Variants in GPI observed in about 807,000 individuals in gnomAD.
GPI encodes the protein D-hexose-6-phosphate anomerase.
In GPI, 56 loss-of-function variants were observed where a neutral mutation model predicts 75.8. The observed-to-expected ratio is 0.74, with a 90% CI of 0.60 to 0.92. The LOEUF is 0.92. Among genes scored for constraint, GPI ranks in the 40% least tolerant of loss-of-function variants. The pLI is 0.00. For synonymous variants in GPI, 288 were observed against 285.4 expected (o/e 1.01, Z -0.09); for missense variants, 638 against 741.0 (o/e 0.86, Z 1.61).
At chr19:34,361,053 C>T (rs1448188589), upstream of GPI, among the ~76,000 whole-genome samples, 3 of 152,056 alleles carry the variant, frequency 2.0e-5, no homozygotes, top group African/African-American at 7.2e-5. Flanking sequence ...GTTGGGATTA[C>T]AGGTGTGAGT....
Position 34,366,838 on chromosome 19 carries a change from T to C in GPI, c.269T>C (p.Ile90Thr), listed in dbSNP as rs1422521321. The C allele has an allele frequency of 6.2e-7, 1 of 1,612,808 alleles. No homozygotes were observed. Among genetic ancestry groups the C allele is most frequent in the Non-Finnish European group, 8.5e-7 (1 of 1,179,026 alleles). ...GAGCGGATGTTCAATGGTGAGAAGATCAACTACACCGAGGTGAGCAGGCCC... is the reference window on the plus strand; with the variant it reads ...GAGCGGATGTTCAATGGTGAGAAGACCAACTACACCGAGGTGAGCAGGCCC... The part of the protein sequence containing the change: ...ARERMFNGEK[I>T]NYTEGRAVLH... The change falls in exon 3 of 18, where the codon ATC becomes ACC. Residue 90 changes from isoleucine (I) to threonine (T), a missense_variant. By Grantham distance (89) the Ile-to-Thr change is moderately conservative. Transcript: ENST00000356487.
Position 34,399,541 on chromosome 19 carries a change from T to G in GPI, c.1399-15T>G. Reference sequence around the variant, plus strand: ...TCAGGACTCTCTTGGAGACATTCCTTGGTGTTTTCTGCAGGTCTTTGAAGG... The same window carrying G: ...TCAGGACTCTCTTGGAGACATTCCTGGGTGTTTTCTGCAGGTCTTTGAAGG... On this transcript the variant is annotated splice_polypyrimidine_tract_variant and intron_variant, in intron 15 of 17. Coordinates refer to ENST00000356487, the MANE Select transcript of GPI (RefSeq NM_000175.5). 1 of 1,612,946 alleles carries G rather than the reference T, an allele frequency of 6.2e-7. No individual in the cohort carries two copies. The highest frequency in any genetic ancestry group is 8.5e-7 in the Non-Finnish European group (1 of 1,178,914).
At chr19:34,375,859 C>G (rs1029970910) in intron 4 of GPI, among the ~76,000 whole-genome samples, 4 of 152,158 alleles carry the variant, frequency 2.6e-5, no homozygotes, top group Admixed American at 2.6e-4. Flanking sequence ...CCAGCACAGG[C>G]GGAAGCTATG....
At position 34,365,317 on chromosome 19, in the gene GPI, C is replaced by G; in HGVS notation, c.51C>G (p.Tyr17Ter). 1 of 1,588,972 alleles carries G rather than the reference C, an allele frequency of 6.3e-7. No individual in the cohort carries two copies. The highest frequency in any genetic ancestry group is 8.5e-7 in the Non-Finnish European group (1 of 1,169,680). Residue 17 changes from tyrosine (Y) to a stop codon, truncating the protein, a stop_gained, in exon 1 of 18, where the codon TAC becomes TAG. Transcript: ENST00000356487. LOFTEE classifies it high-confidence loss of function. ...DPQFQKLQQW[Y>*]REHRSELNLR... Reference sequence around the variant, plus strand: ...AGTTCCAGAAGCTGCAGCAATGGTACCGCGAGCACCGCTCCGAGCTGAACC... The same window carrying G: ...AGTTCCAGAAGCTGCAGCAATGGTAGCGCGAGCACCGCTCCGAGCTGAACC...
rs767547881 is a variant in GPI at position 34,365,288 on chromosome 19, C to T, written c.22C>T (p.Pro8Ser). Residue 8 changes from proline to serine, a missense_variant, in exon 1 of 18, where the codon CCC (proline) becomes TCC (serine). Pro to Ser is a moderately conservative substitution (Grantham distance 74). Coordinates refer to ENST00000356487, the MANE Select transcript of GPI (RefSeq NM_000175.5). The part of the protein sequence containing the change: MAALTRD[P>S]QFQKLQQWYR... ...CGCCATGGCCGCTCTCACCCGGGACCCCCAGTTCCAGAAGCTGCAGCAATG... is the reference window on the plus strand; with the variant it reads ...CGCCATGGCCGCTCTCACCCGGGACTCCCAGTTCCAGAAGCTGCAGCAATG... 1.3e-6 allele frequency: 2 copies of T among 1,580,410 alleles called. No homozygotes were observed. Among genetic ancestry groups the T allele is most frequent in the Admixed American group, 1.7e-5 (1 of 57,180 alleles).
Position 34,365,353 on chromosome 19 carries a change from C to T in GPI, c.87C>T (p.Leu29=), listed in dbSNP as rs148025432. 2.6e-5 allele frequency: 41 copies of T among 1,591,296 alleles called. No homozygotes were observed. In the African/African-American group the frequency reaches 5.4e-4, roughly 21 times the overall value. The change falls in exon 1 of 18, where the codon CTC becomes CTT. Residue 29 remains leucine (L), a synonymous_variant. Transcript: ENST00000356487. Reference sequence around the variant, plus strand: ...GCTCCGAGCTGAACCTGCGCCGCCTCTTCGATGCCAACAAGGACCGCTTCA... The same window carrying T: ...GCTCCGAGCTGAACCTGCGCCGCCTTTTCGATGCCAACAAGGACCGCTTCA... ...EHRSELNLRR[L]FDANKDRFNH... is the part of the protein sequence containing the mutation.
chr19:34,400,797 T>G lies in GPI; in HGVS notation c.*761T>G. 2.6e-6 allele frequency: 1 copy of G among 384,060 alleles called. No homozygotes were observed. Among genetic ancestry groups the G allele is most frequent in the Non-Finnish European group, 4.6e-6 (1 of 217,080 alleles). 23.8% of individuals were successfully genotyped at this position (384,060 alleles called of 1,614,324 possible). Reference sequence around the variant, plus strand: ...TGGAGTGCAGTGGTGCAATCTCGGCTCACTGCAACCTCCGCCTCCCGGGTT... The same window carrying G: ...TGGAGTGCAGTGGTGCAATCTCGGCGCACTGCAACCTCCGCCTCCCGGGTT... On this transcript the variant is annotated 3_prime_UTR_variant, in exon 18 of 18. Coordinates refer to ENST00000356487, the MANE Select transcript of GPI (RefSeq NM_000175.5).
chr19:34,390,249 T>G (rs1460347595), intron 9 of GPI, among the ~76,000 whole-genome samples: 2 of 144,292 alleles, frequency 1.4e-5, no homozygotes, highest in Non-Finnish European at 3.1e-5. Flanking sequence ...TATGAGGCAC[T>G]GGGCCACTGT....
At chr19:34,386,461 G>T (rs1352470283) in intron 9 of GPI, among the ~76,000 whole-genome samples, 5 of 152,164 alleles carry the variant, frequency 3.3e-5, no homozygotes, top group African/African-American at 1.2e-4. Context: ...AAACTGGTCT[G>T]CCAGGAGTAG....
chr19:34,381,736 GC>G (rs2074656801), intron 9 of GPI: 4 of 623,784 alleles, frequency 6.4e-6, no homozygotes, highest in Admixed American at 2.5e-5. Context: ...AGCTTGCAGG[GC>G]CACATGACAC....
chr19:34,374,970 C>T (rs527350352), intron 4 of GPI, among the ~76,000 whole-genome samples: 1 of 151,948 alleles, frequency 6.6e-6, no homozygotes, highest in South Asian at 2.1e-4. Context: ...TCAAGTGATC[C>T]TCCTGCCTCA....
intron 12 of GPI, among the ~76,000 whole-genome samples, chr19:34,395,505 G>A (rs1000412798): frequency 1.3e-5 from 2 of 152,172 alleles, no homozygotes; most frequent in East Asian, 3.9e-4. Flanking sequence ...TTCTACCACT[G>A]TACTCCAGCC....
intron 8 of GPI, chr19:34,379,956 G>A: frequency 4.0e-6 from 1 of 248,142 alleles, no homozygotes; most frequent in Non-Finnish European, 7.7e-6. Context: ...GAAGGGAGGT[G>A]ACATTTTGCC....
intron 5 of GPI, 70 bp from the exon 6 acceptor site, chr19:34,377,665 A>T: frequency 6.3e-7 from 1 of 1,586,320 alleles, no homozygotes; most frequent in Non-Finnish European, 8.7e-7. Flanking sequence ...TTCTCCAGGG[A>T]TGGGACCTGG....
Position 34,393,202 on chromosome 19 carries a change from CG to C in GPI, c.805-42del. The stretch of plus-strand genomic sequence containing the variant: ...AGGGTTTCCGGCAGGAGGTGGGGGG[CG>C]GGGTGTGCCGGCCCTCCCTCAGCAC... On this transcript the variant is annotated intron_variant, in intron 9 of 17. Transcript: ENST00000356487. This position sits in a 1 kb window ranked among gnomAD's most constrained non-coding sequence, Gnocchi z 4.4. 7.1e-7 allele frequency: 1 copy of C among 1,415,698 alleles called. No homozygotes were observed. Among genetic ancestry groups the C allele is most frequent in the Non-Finnish European group, 1.0e-6 (1 of 999,530 alleles). 87.7% of individuals were successfully genotyped at this position (1,415,698 alleles called of 1,614,324 possible). A position where few individuals can be genotyped will look rare whatever the true frequency, so the allele number is the denominator to read the frequency against.
At chr19:34,361,258 T>C (rs1172340044), upstream of GPI, among the ~76,000 whole-genome samples, 2 of 151,976 alleles carry the variant, frequency 1.3e-5, no homozygotes, top group East Asian at 1.9e-4. Context: ...GTCCAGCTAA[T>C]TTTTTTGTAT....
chr19:34,365,646 A>G, intron 1 of GPI: 1 of 648,852 alleles, frequency 1.5e-6, no homozygotes. Flanking sequence ...CTCCGTGGGG[A>G]CATTTCCCCT....
rs749593395 is a variant in GPI at position 34,400,015 on chromosome 19, G to C, written c.1656G>C (p.Gln552His). Residue 552 changes from glutamine to histidine, a missense_variant, in exon 18 of 18, where the codon CAG becomes CAC. Physicochemically the swap from Gln to His is conservative, Grantham distance 24. Transcript: ENST00000356487. ...GGCTCATCAACTTCATCAAGCAGCA[G>C]CGCGAGGCCAGAGTCCAATAAACTC... is the stretch of plus-strand genomic sequence containing the variant. The part of the protein sequence containing the change: ...TNGLINFIKQ[Q>H]REARVQ The C allele has an allele frequency of 2.5e-6, 4 of 1,612,910 alleles. No individual in the cohort carries two copies. The African/African-American group carries it at 4.0e-5, about 16-fold the overall frequency.
At chr19:34,384,510 G>C (rs2074703212) in intron 9 of GPI, among the ~76,000 whole-genome samples, 1 of 152,180 alleles carries the variant, frequency 6.6e-6, no homozygotes, top group Non-Finnish European at 1.5e-5. Context: ...AGGTTGACCG[G>C]AACAGCCATG....
Sources: gnomAD v4.1 joint callset for allele counts (sites outside exome capture counted in the v4.1 genomes callset) on GRCh38, gnomAD v4.1.1 for gene constraint, Gnocchi (gnomAD v3.1) non-coding constraint, MANE v1.5 for transcripts, NCBI Gene and HGNC (gene_info 2026-07-23, HGNC 2026-07-21) for gene names.